The following TMEM132B variants were observed in gnomAD, a reference collection of about 807,000 sequenced individuals.
TMEM132B encodes transmembrane protein 132B.
In TMEM132B, 18 loss-of-function variants were observed where a neutral mutation model predicts 90.8. The observed-to-expected ratio is 0.20, with a 90% CI of 0.14 to 0.29. TMEM132B has a LOEUF of 0.29. TMEM132B is among the 10% of genes least tolerant of loss of function. The pLI, the probability that TMEM132B is intolerant of heterozygous loss-of-function variation, is 1.00. For synonymous variants in TMEM132B, 504 were observed against 523.3 expected, an observed-to-expected ratio of 0.96 and a Z score of 0.50; for missense variants, 1,096 against 1,326.8, an observed-to-expected ratio of 0.83 and a Z score of 2.70.
intron 3 of TMEM132B, among the ~76,000 whole-genome samples, chr12:125,436,392 G>C (rs2345230): frequency 0.2 from 31,011 of 152,020 alleles, 3,903 homozygotes; most frequent in African/African-American, 0.36. Flanking sequence ...ACACACACAG[G>C]CTTATTTGGA....
intron 3 of TMEM132B, among the ~76,000 whole-genome samples, chr12:125,515,481 TCACACTCA>T (rs1566059942): frequency 2.5e-5 from 2 of 81,462 alleles, no homozygotes; most frequent in East Asian, 2.4e-3. Flanking sequence ...TCACACATTG[TCACACTCA>T]CACACATACA....
Position 125,642,916 on chromosome 12 carries a change from A to C in TMEM132B, c.1438-1160A>C, listed in dbSNP as rs150544879. ...AAAAGGCCGGTTTCATTTCCAAGGAAGCACATTCGTATTAGTGCCATTTTT... is the reference window on the plus strand; with the variant it reads ...AAAAGGCCGGTTTCATTTCCAAGGACGCACATTCGTATTAGTGCCATTTTT... On this transcript the variant is annotated intron_variant, in intron 5 of 8. Transcript: ENST00000682704. 5.7e-3 allele frequency among the ~76,000 whole-genome samples: 874 copies of C among 152,070 alleles called. 8 individuals are homozygous for C. The highest frequency in any genetic ancestry group is 0.018 in the African/African-American group (757 of 41,356).
intron 5 of TMEM132B, among the ~76,000 whole-genome samples, chr12:125,613,207 T>G (rs1335344052): frequency 1.8e-5 from 2 of 108,464 alleles, no homozygotes; most frequent in Non-Finnish European, 1.9e-5. Flanking sequence ...TATATATATA[T>G]TATACACCCA....
Position 125,406,822 on chromosome 12 carries a change from G to T in TMEM132B, c.960-8709G>T, listed in dbSNP as rs1334239759. On this transcript the variant is annotated intron_variant, in intron 2 of 8. Transcript: ENST00000682704. The surrounding 1 kb of genome is among the most constrained non-coding windows in gnomAD (Gnocchi z 8.3). ...CAGTAATTTTCTAGAAGGACTCAAA[G>T]AACTCAGAAACGCTGTTGTACTTAT... Among the ~76,000 whole-genome samples the T allele has an allele frequency of 6.6e-6, 1 of 152,152 alleles. No homozygotes were observed. The highest frequency in any genetic ancestry group is 6.5e-5 in the Admixed American group (1 of 15,276).
At chr12:125,527,006 T>C (rs1288264439) in intron 4 of TMEM132B, among the ~76,000 whole-genome samples, 14 of 77,042 alleles carry the variant, frequency 1.8e-4, no homozygotes, top group Middle Eastern at 9.8e-3. Flanking sequence ...ATCCAATCAT[T>C]TACCCTTCCA....
At chr12:125,215,431 G>A (rs12828711) in intron 1 of TMEM132B, among the ~76,000 whole-genome samples, 47,888 of 151,874 alleles carry the variant, frequency 0.32, 8,470 homozygotes, top group East Asian at 0.41. Flanking sequence ...GCATTCCTTG[G>A]TTTGTGGCCC....
chr12:125,255,139 G>A (rs867625805), intron 1 of TMEM132B, among the ~76,000 whole-genome samples: 1 of 152,304 alleles, frequency 6.6e-6, no homozygotes, highest in Middle Eastern at 3.4e-3. Context: ...TCCACGTGAT[G>A]TGCCCTTGCC....
At chr12:125,584,671 C>G (rs1045653653) in intron 5 of TMEM132B, 6 of 152,278 alleles carry the variant, frequency 3.9e-5, no homozygotes, top group African/African-American at 1.2e-4. Flanking sequence ...ATTCTTCACT[C>G]AAATTAGCTA....
intron 3 of TMEM132B, among the ~76,000 whole-genome samples, chr12:125,502,177 A>G (rs1028684391): frequency 6.6e-6 from 1 of 152,064 alleles, no homozygotes; most frequent in Non-Finnish European, 1.5e-5. Context: ...TCAGCTCTCA[A>G]ATCTCTCCTC....
In TMEM132B at chr12:125,498,311, G is replaced by A. The variant is rs1288311126; in HGVS notation, c.1107-21128G>A. Among the ~76,000 whole-genome samples the A allele has an allele frequency of 6.6e-6, 1 of 152,202 alleles. No homozygotes were observed. The highest frequency in any genetic ancestry group is 6.5e-5 in the Admixed American group (1 of 15,280). ...GTGTTTTTTCTGTTTAGCATTAGTAGGAATTGCACTGAATATGTGCAATAA... is the reference window on the plus strand; with the variant it reads ...GTGTTTTTTCTGTTTAGCATTAGTAAGAATTGCACTGAATATGTGCAATAA... On this transcript the variant is annotated intron_variant, in intron 3 of 8. Coordinates refer to ENST00000682704, the MANE Select transcript of TMEM132B (RefSeq NM_001366854.1). The surrounding 1 kb of genome is among the most constrained non-coding windows in gnomAD (Gnocchi z 4.5).
At chr12:125,586,508 T>C (rs1885181634) in intron 5 of TMEM132B, 1 of 152,236 alleles carries the variant, frequency 6.6e-6, no homozygotes, top group Non-Finnish European at 1.5e-5. Context: ...TCCAAAAACG[T>C]TAAATGAAAA....
At chr12:125,187,246 C>T (rs1462849636) in intron 1 of TMEM132B, among the ~76,000 whole-genome samples, 3 of 152,200 alleles carry the variant, frequency 2.0e-5, no homozygotes, top group Admixed American at 2.0e-4. Flanking sequence ...GCGGGGGCGT[C>T]GACGCAGCCC....
intron 1 of TMEM132B, among the ~76,000 whole-genome samples, chr12:125,283,043 C>T (rs1041397610): frequency 6.6e-6 from 1 of 152,104 alleles, no homozygotes; most frequent in Non-Finnish European, 1.5e-5. Flanking sequence ...TCATGGGAAC[C>T]GCAGCATCAA....
intron 2 of TMEM132B, among the ~76,000 whole-genome samples, chr12:125,377,252 C>T (rs2136280046): frequency 6.6e-6 from 1 of 152,230 alleles, no homozygotes; most frequent in African/African-American, 2.4e-5. Flanking sequence ...GGAGAGAGTT[C>T]CCAGAGCTGG....
chr12:125,289,036 A>G (rs1311064294), intron 1 of TMEM132B, among the ~76,000 whole-genome samples: 12 of 152,136 alleles, frequency 7.9e-5, no homozygotes, highest in Admixed American at 7.9e-4. Flanking sequence ...TATTGCAAGG[A>G]GTTAAGCAGT....
chr12:125,349,913 G>T lies in TMEM132B; in HGVS notation c.529G>T (p.Ala177Ser). 1.2e-6 allele frequency: 2 copies of T among 1,614,246 alleles called. No individual in the cohort carries two copies. Among genetic ancestry groups the T allele is most frequent in the Non-Finnish European group, 1.7e-6 (2 of 1,180,046 alleles). The change falls in exon 2 of 9, where the codon GCC becomes TCC. Residue 177 changes from alanine (A) to serine (S), a missense_variant. Physicochemically the swap from Ala to Ser is moderately conservative, Grantham distance 99. Coordinates refer to ENST00000682704, the MANE Select transcript of TMEM132B (RefSeq NM_001366854.1). This position sits in a 1 kb window ranked among gnomAD's most constrained non-coding sequence, Gnocchi z 4.1. ...FAFPEAREVA[A>S]SCRLQGAPGL... ...TTTCCCTGAGGCCAGGGAAGTGGCA[G>T]CCAGCTGTCGGCTGCAAGGGGCCCC...
intron 6 of TMEM132B, among the ~76,000 whole-genome samples, chr12:125,649,309 C>G (rs1886848172): frequency 6.6e-6 from 1 of 152,194 alleles, no homozygotes; most frequent in African/African-American, 2.4e-5. Context: ...ATTCACCACT[C>G]TGAGCCTGGT....
At chr12:125,273,100 T>C (rs1404026407) in intron 1 of TMEM132B, among the ~76,000 whole-genome samples, 3 of 152,220 alleles carry the variant, frequency 2.0e-5, no homozygotes, top group Non-Finnish European at 4.4e-5. Flanking sequence ...AACCGTACAA[T>C]GAATAGCCAT....
chr12:125,421,226 C>A (rs1352768368), intron 3 of TMEM132B, among the ~76,000 whole-genome samples: 3 of 152,242 alleles, frequency 2.0e-5, no homozygotes, highest in Non-Finnish European at 4.4e-5. Context: ...TAGCACCCCA[C>A]TCTACCTGTA....
Sources: allele counts gnomAD v4.1 joint callset (sites outside exome capture counted in the v4.1 genomes callset), GRCh38; gene constraint gnomAD v4.1.1; non-coding constraint Gnocchi (gnomAD v3.1); transcripts MANE v1.5; gene names NCBI Gene and HGNC (gene_info 2026-07-23, HGNC 2026-07-21).